Variants in CADM2 observed in about 807,000 individuals in gnomAD.
CADM2 encodes cell adhesion molecule 2.
A neutral mutation model predicts 49.8 loss-of-function variants in CADM2; 12 were observed. The ratio of observed to expected loss-of-function variants is 0.24; its 90% confidence interval spans 0.15 to 0.39. The LOEUF is 0.39. CADM2 is among the 10% of genes least tolerant of loss of function. The pLI is 1.00. For synonymous variants in CADM2, 214 were observed against 175.4 expected, an observed-to-expected ratio of 1.22 and a Z score of -1.74; for missense variants, 378 against 492.3, an observed-to-expected ratio of 0.77 and a Z score of 2.20.
At chr3:85,049,153 A>G (rs995121651) in intron 1 of CADM2, among the ~76,000 whole-genome samples, 5 of 152,074 alleles carry the variant, frequency 3.3e-5, no homozygotes, top group Admixed American at 6.6e-5. Context: ...CAGCATTTAG[A>G]TCATTAGCGA....
intron 1 of CADM2, among the ~76,000 whole-genome samples, chr3:85,019,244 A>T (rs1032513706): frequency 1.4e-4 from 21 of 152,168 alleles, no homozygotes; most frequent in Admixed American, 6.5e-5. Flanking sequence ...GCACTTTTGG[A>T]GCCTGAAGGA....
chr3:85,805,135 G>T (rs2072325789), intron 3 of CADM2, among the ~76,000 whole-genome samples: 2 of 151,896 alleles, frequency 1.3e-5, no homozygotes, highest in Non-Finnish European at 2.9e-5. Context: ...GTGTAGACTG[G>T]GTTTCACCAT....
intron 2 of CADM2, among the ~76,000 whole-genome samples, chr3:85,796,882 GTCAAGAGA>G (rs780657854): frequency 4.6e-5 from 7 of 152,020 alleles, no homozygotes; most frequent in Non-Finnish European, 7.4e-5. Context: ...TTATCACGAG[GTCAAGAGA>G]TCAAGACCAT....
At chr3:85,559,257 A>G (rs1207310792) in intron 1 of CADM2, among the ~76,000 whole-genome samples, 1 of 152,080 alleles carries the variant, frequency 6.6e-6, no homozygotes, top group Admixed American at 6.6e-5. Flanking sequence ...CCTAACTAGT[A>G]ATATTTTCAT....
intron 1 of CADM2, among the ~76,000 whole-genome samples, chr3:85,558,320 C>T (rs2062012351): frequency 3.9e-5 from 6 of 151,956 alleles, no homozygotes. Context: ...GATGGTTTAG[C>T]TTTCATAGTT....
At chr3:85,055,682 T>C (rs1232515644) in intron 1 of CADM2, among the ~76,000 whole-genome samples, 1 of 152,062 alleles carries the variant, frequency 6.6e-6, no homozygotes, top group African/African-American at 2.4e-5. Flanking sequence ...TTAACTTTTG[T>C]AGATTTTTGA....
At chr3:85,784,668 A>G (rs1257500249) in intron 2 of CADM2, among the ~76,000 whole-genome samples, 1 of 152,126 alleles carries the variant, frequency 6.6e-6, no homozygotes, top group Non-Finnish European at 1.5e-5. Flanking sequence ...CACAGAATTC[A>G]TGTCATAACT....
intron 1 of CADM2, among the ~76,000 whole-genome samples, chr3:85,333,855 G>A (rs818227): frequency 0.047 from 7,059 of 151,684 alleles, 457 homozygotes; most frequent in African/African-American, 0.14. Context: ...CAATTTTCCT[G>A]TTGTTATATT....
intron 1 of CADM2, among the ~76,000 whole-genome samples, chr3:85,035,262 C>T (rs1185764516): frequency 2.6e-5 from 4 of 151,952 alleles, no homozygotes; most frequent in Admixed American, 6.6e-5. Context: ...TTTTTAAATC[C>T]GATTATTAGA....
chr3:85,601,881 T>C (rs2063417029), intron 1 of CADM2, among the ~76,000 whole-genome samples: 2 of 151,778 alleles, frequency 1.3e-5, no homozygotes, highest in Non-Finnish European at 2.9e-5. Context: ...TCACATCTTC[T>C]ATTTATGTAT....
At chr3:85,961,257 T>C (rs1724776670) in intron 7 of CADM2, among the ~76,000 whole-genome samples, 1 of 151,580 alleles carries the variant, frequency 6.6e-6, no homozygotes, top group South Asian at 2.1e-4. Flanking sequence ...TGAATACATA[T>C]CTGCTTAGTT....
At chr3:84,983,513 A>G (rs2032339257) in intron 1 of CADM2, among the ~76,000 whole-genome samples, 1 of 152,168 alleles carries the variant, frequency 6.6e-6, no homozygotes, top group African/African-American at 2.4e-5. Context: ...CTGATGAAAT[A>G]ATACCTGCAT....
intron 8 of CADM2, among the ~76,000 whole-genome samples, chr3:86,004,457 G>A (rs1730542052): frequency 6.6e-6 from 1 of 152,194 alleles, no homozygotes; most frequent in South Asian, 2.1e-4. Flanking sequence ...ATGCCGTGGG[G>A]TGCCTCAGCT....
chr3:85,393,317 T>C (rs2107405490), intron 1 of CADM2, among the ~76,000 whole-genome samples: 1 of 152,266 alleles, frequency 6.6e-6, no homozygotes, highest in South Asian at 2.1e-4. Flanking sequence ...AGAAGGATGA[T>C]GATCTTGACT....
At chr3:85,649,209 A>G (rs1182567241) in intron 1 of CADM2, among the ~76,000 whole-genome samples, 5 of 152,186 alleles carry the variant, frequency 3.3e-5, no homozygotes, top group Non-Finnish European at 7.4e-5. Flanking sequence ...CATTTTTATT[A>G]CAATGGCCAT....
rs549305418 is a variant in CADM2 at position 85,119,382 on chromosome 3, C to A, written c.61+159714C>A. Among the ~76,000 whole-genome samples, 488 of 152,276 alleles carry A rather than the reference C, an allele frequency of 3.2e-3. 3 individuals carry two copies. Among genetic ancestry groups the A allele is most frequent in the South Asian group, 0.018 (86 of 4,822 alleles). The stretch of plus-strand genomic sequence containing the variant: ...TATCTGTTTTGGTACCAGTACCATG[C>A]TGTTTTGGTTACTGTAGGCTTGTAG... On this transcript the variant is annotated intron_variant, in intron 1 of 9. Coordinates refer to ENST00000383699, the MANE Select transcript of CADM2 (RefSeq NM_001167675.2).
rs2063882024 is a variant in CADM2, at chr3:86,068,987, G to T, written c.*2204G>T. 6.6e-6 allele frequency: 1 copy of T among 151,900 alleles called. No individual in the cohort carries two copies. The highest frequency in any genetic ancestry group is 6.6e-5 in the Admixed American group (1 of 15,232). 9.4% of individuals were successfully genotyped at this position (151,900 alleles called of 1,614,324 possible). A position where few individuals can be genotyped will look rare whatever the true frequency, so the allele number is the denominator to read the frequency against. ...TCTTTCAATGCATAATCTTTAGAAAGACTCCACAAAGCAAAATTCATCCTG... is the reference window on the plus strand; with the variant it reads ...TCTTTCAATGCATAATCTTTAGAAATACTCCACAAAGCAAAATTCATCCTG... On this transcript the variant is annotated 3_prime_UTR_variant, in exon 10 of 10. Coordinates refer to ENST00000383699, the MANE Select transcript of CADM2 (RefSeq NM_001167675.2).
intron 1 of CADM2, among the ~76,000 whole-genome samples, chr3:85,440,840 G>A (rs1018042246): frequency 2.0e-5 from 3 of 151,936 alleles, no homozygotes; most frequent in African/African-American, 7.3e-5. Flanking sequence ...AAATTAGCCG[G>A]GCATGATGGC....
At chr3:85,803,734 G>A (rs887459686) in intron 3 of CADM2, among the ~76,000 whole-genome samples, 1 of 151,986 alleles carries the variant, frequency 6.6e-6, no homozygotes, top group African/African-American at 2.4e-5. Flanking sequence ...GCCTTCCACT[G>A]ATTGAGTGTC....
Sources: allele counts gnomAD v4.1 joint callset (sites outside exome capture counted in the v4.1 genomes callset), GRCh38; gene constraint gnomAD v4.1.1; transcripts MANE v1.5; gene names NCBI Gene and HGNC (gene_info 2026-07-23, HGNC 2026-07-21).